Variants in GRXCR1 observed in about 807,000 individuals in gnomAD.
GRXCR1 encodes the protein glutaredoxin and cysteine rich domain containing 1, also known as glutaredoxin domain-containing cysteine-rich protein 1.
Under a neutral mutation model 27.3 loss-of-function variants are expected in GRXCR1, and 27 were observed. That is an observed-to-expected ratio of 0.99 (90% CI 0.73 to 1.37). The LOEUF (loss-of-function observed/expected upper bound fraction) is 1.37. Ranked by LOEUF, GRXCR1 falls within the 40% of genes most tolerant of loss-of-function variation. The pLI, the probability that GRXCR1 is intolerant of heterozygous loss-of-function variation, is 0.00. For missense variants in GRXCR1, 379 were observed against 354.4 expected, an observed-to-expected ratio of 1.07 and a Z score of -0.56; for synonymous variants, 122 against 131.1, an observed-to-expected ratio of 0.93 and a Z score of 0.47.
intron 2 of GRXCR1, among the ~76,000 whole-genome samples, chr4:42,974,251 C>G (rs895484504): frequency 2.0e-5 from 3 of 152,014 alleles, no homozygotes; most frequent in African/African-American, 7.2e-5. Context: ...GGGATGAAAT[C>G]ATCAAAATGT....
chr4:42,972,050 C>A (rs1318694588), intron 2 of GRXCR1, among the ~76,000 whole-genome samples: 2 of 152,068 alleles, frequency 1.3e-5, no homozygotes, highest in Non-Finnish European at 2.9e-5. Flanking sequence ...GTGTGAGCCA[C>A]CATGTCTGGC....
At chr4:42,904,689 T>C (rs1361253866) in intron 1 of GRXCR1, among the ~76,000 whole-genome samples, 1 of 152,212 alleles carries the variant, frequency 6.6e-6, no homozygotes, top group Admixed American at 6.5e-5. Flanking sequence ...TTATAAGTAC[T>C]CAATAAATAC....
At chr4:43,028,823 T>C (rs1713334944) in intron 3 of GRXCR1, among the ~76,000 whole-genome samples, 1 of 152,194 alleles carries the variant, frequency 6.6e-6, no homozygotes, top group Non-Finnish European at 1.5e-5. Context: ...AGTGACCAAA[T>C]TGCTGTACAT....
chr4:42,893,336 C>T lies in GRXCR1; in HGVS notation c.70C>T (p.His24Tyr). The change falls in exon 1 of 4, where the codon CAC becomes TAC. Residue 24 changes from histidine to tyrosine, a missense_variant. Transcript: ENST00000399770. The stretch of plus-strand genomic sequence containing the variant: ...AGTCCGGTTTCGGATCGCGTCCTCT[C>T]ACAGTGGGCGAGTTCTGAAGGAAGT... ...RKVRFRIASS[H>Y]SGRVLKEVYE... 1.2e-6 allele frequency: 2 copies of T among 1,613,790 alleles called. No homozygotes were observed. The highest frequency in any genetic ancestry group is 1.7e-6 in the Non-Finnish European group (2 of 1,179,796).
intron 2 of GRXCR1, among the ~76,000 whole-genome samples, chr4:42,991,351 T>A (rs1251492014): frequency 6.6e-6 from 1 of 152,016 alleles, no homozygotes; most frequent in Non-Finnish European, 1.5e-5. Context: ...TTAAACAAAA[T>A]TTTTTTCTTA....
chr4:42,969,271 G>A (rs953855021), intron 2 of GRXCR1, among the ~76,000 whole-genome samples: 3 of 152,064 alleles, frequency 2.0e-5, no homozygotes, highest in African/African-American at 7.2e-5. Flanking sequence ...AAATTTTGGG[G>A]TCATGGGAGT....
intron 1 of GRXCR1, among the ~76,000 whole-genome samples, chr4:42,925,848 T>C (rs1044788501): frequency 1.8e-4 from 28 of 151,948 alleles, no homozygotes; most frequent in Non-Finnish European, 4.1e-4. Context: ...ACCAGCTCCA[T>C]AGATCAGACA....
At chr4:42,918,889 T>C (rs1746944923) in intron 1 of GRXCR1, among the ~76,000 whole-genome samples, 2 of 152,052 alleles carry the variant, frequency 1.3e-5, no homozygotes, top group South Asian at 4.1e-4. Flanking sequence ...TAGAGTTTTG[T>C]TCATGTGAAT....
intron 1 of GRXCR1, among the ~76,000 whole-genome samples, chr4:42,940,836 G>A (rs370388363): frequency 1.3e-5 from 2 of 151,926 alleles, no homozygotes; most frequent in East Asian, 3.9e-4. Flanking sequence ...GTGATAGAGA[G>A]ACATCAAAAT....
intron 1 of GRXCR1, among the ~76,000 whole-genome samples, chr4:42,940,612 A>G (rs934424734): frequency 1.1e-4 from 16 of 152,138 alleles, no homozygotes; most frequent in African/African-American, 3.9e-4. Flanking sequence ...ATATATTGCA[A>G]TAAATGAATC....
chr4:42,918,911 C>A (rs1354433418), intron 1 of GRXCR1, among the ~76,000 whole-genome samples: 1 of 151,772 alleles, frequency 6.6e-6, no homozygotes, highest in Admixed American at 6.6e-5. Flanking sequence ...AACTGAGATA[C>A]CTATTGGGAG....
At chr4:43,003,444 T>A (rs1043947682) in intron 2 of GRXCR1, among the ~76,000 whole-genome samples, 1 of 151,982 alleles carries the variant, frequency 6.6e-6, no homozygotes, top group Non-Finnish European at 1.5e-5. Context: ...GTTGGAACAG[T>A]TTGAAGGGCT....
chr4:42,981,949 T>G (rs1165388610), intron 2 of GRXCR1, among the ~76,000 whole-genome samples: 2 of 152,208 alleles, frequency 1.3e-5, no homozygotes, highest in African/African-American at 4.8e-5. Context: ...GAGCAGATAT[T>G]TGACCTCCCT....
Position 42,893,200 on chromosome 4 carries a change from C to T in GRXCR1, c.-67C>T. The T allele has an allele frequency of 3.8e-6, 6 of 1,573,130 alleles. No individual in the cohort carries two copies. The highest frequency in any genetic ancestry group is 5.2e-6 in the Non-Finnish European group (6 of 1,144,606). On this transcript the variant is annotated 5_prime_UTR_variant, in exon 1 of 4. Transcript: ENST00000399770. ...AATTGGCTCTGATATTGCTATCTGG[C>T]AAGTGGACTAGTGCAGTAACAACGG...
intron 1 of GRXCR1, among the ~76,000 whole-genome samples, chr4:42,962,667 T>A (rs1748150696): frequency 6.6e-6 from 1 of 152,006 alleles, no homozygotes; most frequent in Non-Finnish European, 1.5e-5. Context: ...TTACTTGATA[T>A]GCTACTGAGA....
intron 1 of GRXCR1, among the ~76,000 whole-genome samples, chr4:42,923,595 C>T (rs1747072476): frequency 6.6e-6 from 1 of 152,032 alleles, no homozygotes; most frequent in African/African-American, 2.4e-5. Context: ...AAAATGTGTC[C>T]TGGGCCACAT....
chr4:42,968,732 A>G (rs1438805444), intron 2 of GRXCR1, among the ~76,000 whole-genome samples: 7 of 152,068 alleles, frequency 4.6e-5, no homozygotes, highest in Non-Finnish European at 1.0e-4. Context: ...AAAAGCAAAA[A>G]AGTACCTCCT....
chr4:42,972,289 A>G (rs955097734), intron 2 of GRXCR1, among the ~76,000 whole-genome samples: 1 of 152,136 alleles, frequency 6.6e-6, no homozygotes, highest in Non-Finnish European at 1.5e-5. Flanking sequence ...TAGAAATTCC[A>G]TCAGAGATCT....
rs528206853 is a variant in GRXCR1 at position 42,929,662 on chromosome 4, A to T, written c.385-33230A>T. Among the ~76,000 whole-genome samples, 7 of 151,994 alleles carry T rather than the reference A, an allele frequency of 4.6e-5. No homozygotes were observed. The South Asian group carries it at 1.2e-3, about 27-fold the overall frequency. Reference sequence around the variant, plus strand: ...ACGGAGAAATGCTACTTAAAGTCACACAAGTGTAGGCTGCCTGAGCCTCTC... The same window carrying T: ...ACGGAGAAATGCTACTTAAAGTCACTCAAGTGTAGGCTGCCTGAGCCTCTC... On this transcript the variant is annotated intron_variant, in intron 1 of 3. Coordinates refer to ENST00000399770, the MANE Select transcript of GRXCR1 (RefSeq NM_001080476.3).
Sources: allele counts gnomAD v4.1 joint callset (sites outside exome capture counted in the v4.1 genomes callset), GRCh38; gene constraint gnomAD v4.1.1; transcripts MANE v1.5; gene names NCBI Gene and HGNC (gene_info 2026-07-23, HGNC 2026-07-21).